The following CAST variants were observed in gnomAD, a reference collection of about 807,000 sequenced individuals.
CAST encodes calpastatin.
CAST carries 76 observed loss-of-function variants against 119.6 expected under a neutral mutation model. The observed-to-expected ratio is 0.64, with a 90% CI of 0.53 to 0.77. The LOEUF is 0.77. CAST is among the 30% of genes least tolerant of loss of function. The probability of loss-of-function intolerance (pLI) is 0.00; values close to 1 mark genes in which losing one functional copy is unlikely to be tolerated. For synonymous variants in CAST, 319 were observed against 331.6 expected, an observed-to-expected ratio of 0.96 and a Z score of 0.41; for missense variants, 953 against 946.5, an observed-to-expected ratio of 1.01 and a Z score of -0.09.
chr5:96,671,025 A>G (rs1237151224), intron 1 of CAST, among the ~76,000 whole-genome samples: 1 of 152,236 alleles, frequency 6.6e-6, no homozygotes, highest in African/African-American at 2.4e-5. Flanking sequence ...TTAAACGTAT[A>G]GAGGCTGTCA....
the CAST span, chr5:96,278,896 CATCAT>C: frequency 1.3e-5 from 2 of 152,206 alleles, no homozygotes; most frequent in African/African-American, 4.8e-5. Context: ...TACTATCTCT[CATCAT>C]ATCCTATAGC....
chr5:96,616,793 CACATAT>C (rs1202841885), intron 1 of CAST, among the ~76,000 whole-genome samples: 34 of 141,044 alleles, frequency 2.4e-4, no homozygotes, highest in African/African-American at 6.9e-4. Flanking sequence ...CACACACACA[CACATAT>C]ACATATACAT....
chr5:96,664,782 T>A (rs1467781191), intron 1 of CAST, among the ~76,000 whole-genome samples: 1 of 152,248 alleles, frequency 6.6e-6, no homozygotes, highest in Non-Finnish European at 1.5e-5. Context: ...TACTTCTTCA[T>A]GAATGTTTTC....
the CAST span, among the ~76,000 whole-genome samples, chr5:96,014,388 A>G: frequency 6.6e-6 from 1 of 152,042 alleles, no homozygotes; most frequent in Admixed American, 6.6e-5. Context: ...TTTTTTTATT[A>G]TAAGTAGGAG....
chr5:96,727,389 T>A (rs750111157), intron 5 of CAST, 100 bp from the exon 6 acceptor site: 13 of 591,878 alleles, frequency 2.2e-5, no homozygotes, highest in Non-Finnish European at 3.8e-5. Context: ...TCATCTCTTT[T>A]GAGTTTCCTC....
the CAST span, among the ~76,000 whole-genome samples, chr5:96,178,949 TC>T: frequency 6.6e-6 from 1 of 152,190 alleles, no homozygotes; most frequent in South Asian, 2.1e-4. Context: ...AGCCCCATCT[TC>T]CATCCCAGCA....
At chr5:96,033,940 C>A in the CAST span, among the ~76,000 whole-genome samples, 1 of 151,944 alleles carries the variant, frequency 6.6e-6, no homozygotes, top group African/African-American at 2.4e-5. Context: ...AGAAATAATT[C>A]AAACAACCGA....
At chr5:96,710,133 A>G (rs76724229) in intron 3 of CAST, among the ~76,000 whole-genome samples, 93 of 152,290 alleles carry the variant, frequency 6.1e-4, no homozygotes, top group African/African-American at 2.2e-3. Flanking sequence ...TTCTTCAGTA[A>G]CCTAGGCTAG....
At chr5:96,282,763 A>T in the CAST span, among the ~76,000 whole-genome samples, 1 of 152,230 alleles carries the variant, frequency 6.6e-6, no homozygotes, top group Non-Finnish European at 1.5e-5. Flanking sequence ...ATTCTAAAAA[A>T]ATATGCTGAT....
At chr5:96,576,899 A>T (rs1746682842) in intron 1 of CAST, among the ~76,000 whole-genome samples, 1 of 152,148 alleles carries the variant, frequency 6.6e-6, no homozygotes, top group Non-Finnish European at 1.5e-5. Context: ...AATGTGTGCC[A>T]TGGTGGTTTG....
the CAST span, among the ~76,000 whole-genome samples, chr5:96,226,994 T>C: frequency 6.6e-6 from 1 of 152,216 alleles, no homozygotes. Context: ...AGCTAACCAA[T>C]GGGCTGATTG....
chr5:96,526,046 C>G (rs1745593608), upstream of CAST, among the ~76,000 whole-genome samples: 1 of 152,082 alleles, frequency 6.6e-6, no homozygotes, highest in African/African-American at 2.4e-5. Context: ...GATGCCTGCA[C>G]TAGTACCTCA....
At chr5:96,226,225 C>T in the CAST span, among the ~76,000 whole-genome samples, 1 of 152,162 alleles carries the variant, frequency 6.6e-6, no homozygotes, top group Admixed American at 6.5e-5. Flanking sequence ...TGGGTGTCTT[C>T]CCTTAGTTTA....
chr5:96,124,072 C>T, the CAST span, among the ~76,000 whole-genome samples: 2,041 of 152,224 alleles, frequency 0.013, 37 homozygotes, highest in South Asian at 0.077. Flanking sequence ...CCTGTTTTTT[C>T]ACCAAAATTT....
the CAST span, among the ~76,000 whole-genome samples, chr5:96,175,361 T>C: frequency 6.6e-6 from 1 of 152,194 alleles, no homozygotes; most frequent in Non-Finnish European, 1.5e-5. Context: ...GTTCCTTGTT[T>C]CACATGCATT....
At chr5:96,130,767 A>G in the CAST span, among the ~76,000 whole-genome samples, 4,260 of 152,192 alleles carry the variant, frequency 0.028, 186 homozygotes, top group African/African-American at 0.097. Context: ...AAATGACCAT[A>G]AAATTTAACC....
At chr5:96,103,343 TC>T in the CAST span, among the ~76,000 whole-genome samples, 1 of 92,128 alleles carries the variant, frequency 1.1e-5, no homozygotes, top group Non-Finnish European at 2.1e-5. Flanking sequence ...ATGCTATCCC[TC>T]CCCCCTCCCC....
At chr5:96,036,512 G>A in the CAST span, among the ~76,000 whole-genome samples, 2 of 152,004 alleles carry the variant, frequency 1.3e-5, no homozygotes, top group Non-Finnish European at 2.9e-5. Context: ...TACATGTTTA[G>A]GTGCCAGGGC....
the CAST span, among the ~76,000 whole-genome samples, chr5:96,263,259 C>T: frequency 6.6e-6 from 1 of 152,018 alleles, no homozygotes; most frequent in East Asian, 1.9e-4. Flanking sequence ...CTACTGCTTT[C>T]ATATTTTTAA....
Sources: gnomAD v4.1 joint callset for allele counts (sites outside exome capture counted in the v4.1 genomes callset) on GRCh38, gnomAD v4.1.1 for gene constraint, MANE v1.5 for transcripts, NCBI Gene and HGNC (gene_info 2026-07-23, HGNC 2026-07-21) for gene names.